The following PCNX2 variants were observed in gnomAD, a reference collection of about 807,000 sequenced individuals.
PCNX2 encodes pecanex-like protein 2.
A neutral mutation model predicts 223.8 loss-of-function variants in PCNX2; 168 were observed. The observed-to-expected ratio is 0.75, with a 90% CI of 0.66 to 0.85. The LOEUF (loss-of-function observed/expected upper bound fraction) is 0.85. Among genes scored for constraint, PCNX2 ranks in the 40% least tolerant of loss-of-function variants. The pLI is 0.00. For synonymous variants in PCNX2, 1,006 were observed against 1,052.6 expected (o/e 0.96, Z 0.86); for missense variants, 2,507 against 2,675.5 (o/e 0.94, Z 1.39).
intron 19 of PCNX2, among the ~76,000 whole-genome samples, chr1:233,154,694 C>T (rs1678010469): frequency 6.6e-6 from 1 of 152,156 alleles, no homozygotes; most frequent in Non-Finnish European, 1.5e-5. Flanking sequence ...AAGATTTAAG[C>T]AATGATACAT....
At chr1:233,056,551 C>G (rs1672197438) in intron 24 of PCNX2, among the ~76,000 whole-genome samples, 1 of 152,164 alleles carries the variant, frequency 6.6e-6, no homozygotes, top group South Asian at 2.1e-4. Flanking sequence ...AAAAAATAAG[C>G]TTCTCTCTCC....
At chr1:233,290,723 A>G (rs923646203) in intron 1 of PCNX2, 1 of 974,412 alleles carries the variant, frequency 1.0e-6, no homozygotes, top group African/African-American at 1.8e-5. Flanking sequence ...GCAATTAGAA[A>G]TGATGTAGGT....
intron 10 of PCNX2, among the ~76,000 whole-genome samples, chr1:233,219,208 T>C (rs1657217984): frequency 6.6e-6 from 1 of 151,978 alleles, no homozygotes. Context: ...TCATGTAGCC[T>C]AGGTAGAATA....
intron 23 of PCNX2, among the ~76,000 whole-genome samples, chr1:233,059,847 A>C (rs1672337643): frequency 6.6e-6 from 1 of 152,236 alleles, no homozygotes; most frequent in Non-Finnish European, 1.5e-5. Context: ...ACTTGTCAGA[A>C]ATGGTGCTTA....
Position 233,252,714 on chromosome 1 carries a change from T to C in PCNX2, c.1909A>G (p.Lys637Glu), listed in dbSNP as rs763936607. 9 of 1,613,838 alleles carry C rather than the reference T, an allele frequency of 5.6e-6. No homozygotes were observed. The South Asian group carries it at 9.9e-5, about 18-fold the overall frequency. Residue 637 changes from lysine to glutamate, a missense_variant, in exon 6 of 34, where the codon AAA (lysine) becomes GAA (glutamate). Lys to Glu is a moderately conservative substitution (Grantham distance 56, BLOSUM62 1). This residue lies in a region of PCNX2 where 1,031 missense variants were observed against 1,021.7 expected (regional missense o/e 1.01). Coordinates refer to ENST00000258229, the MANE Select transcript of PCNX2 (RefSeq NM_014801.4). ...KPSGHSSKQG[K>E]PDLQSQDHTS... Reference sequence around the variant, plus strand: ...TGGTCTTGACTTTGCAAATCTGGTTTTCCTTGCTTAGAACTGTGTCCACTG... The same window carrying C: ...TGGTCTTGACTTTGCAAATCTGGTTCTCCTTGCTTAGAACTGTGTCCACTG...
At chr1:233,232,472 A>G (rs1244782619) in intron 9 of PCNX2, among the ~76,000 whole-genome samples, 1 of 152,242 alleles carries the variant, frequency 6.6e-6, no homozygotes, top group Non-Finnish European at 1.5e-5. Flanking sequence ...ATAGGGACAT[A>G]AACCCATTCT....
chr1:233,313,344 C>T, the PCNX2 span, among the ~76,000 whole-genome samples: 1 of 152,084 alleles, frequency 6.6e-6, no homozygotes, highest in Non-Finnish European at 1.5e-5. Context: ...CAAGATTAGT[C>T]CCAGCAGACA....
chr1:233,127,091 C>T (rs944556238), intron 21 of PCNX2, among the ~76,000 whole-genome samples: 1 of 152,196 alleles, frequency 6.6e-6, no homozygotes, highest in African/African-American at 2.4e-5. Flanking sequence ...AGTTCCAAGA[C>T]TCCATGTCTT....
chr1:233,105,855 C>T (rs1431649312), intron 21 of PCNX2, among the ~76,000 whole-genome samples: 1 of 152,080 alleles, frequency 6.6e-6, no homozygotes, highest in Non-Finnish European at 1.5e-5. Flanking sequence ...CAAATGAAGT[C>T]GACATTGCAC....
chr1:233,133,695 A>G (rs1676640752), intron 21 of PCNX2, among the ~76,000 whole-genome samples: 1 of 152,152 alleles, frequency 6.6e-6, no homozygotes, highest in African/African-American at 2.4e-5. Flanking sequence ...ATCTTTACAA[A>G]AAGTTTTTAA....
intron 21 of PCNX2, among the ~76,000 whole-genome samples, chr1:233,098,398 A>C (rs1674300080): frequency 6.6e-6 from 1 of 152,204 alleles, no homozygotes; most frequent in Non-Finnish European, 1.5e-5. Context: ...TTGTATTTAC[A>C]CATAAGAAAA....
intron 21 of PCNX2, among the ~76,000 whole-genome samples, chr1:233,105,417 C>A (rs568570977): frequency 1.3e-5 from 2 of 152,142 alleles, no homozygotes; most frequent in South Asian, 4.2e-4. Flanking sequence ...TAGAGGATAC[C>A]AGAGCTATGT....
chr1:233,111,776 G>A (rs1675130648), intron 21 of PCNX2, among the ~76,000 whole-genome samples: 1 of 152,236 alleles, frequency 6.6e-6, no homozygotes, highest in Middle Eastern at 3.4e-3. Flanking sequence ...AGCAGGCACT[G>A]GTATTATTTA....
intron 19 of PCNX2, among the ~76,000 whole-genome samples, chr1:233,143,112 T>C (rs1677224609): frequency 6.6e-6 from 1 of 152,214 alleles, no homozygotes; most frequent in African/African-American, 2.4e-5. Flanking sequence ...TCATCTGATG[T>C]CCCAAAGGAA....
At chr1:232,994,143 A>T (rs777648114) in intron 32 of PCNX2, among the ~76,000 whole-genome samples, 3 of 152,234 alleles carry the variant, frequency 2.0e-5, no homozygotes, top group Non-Finnish European at 4.4e-5. Flanking sequence ...GATCCCAGAA[A>T]GGTAGATACA....
At chr1:233,146,875 T>C (rs185745851) in intron 19 of PCNX2, among the ~76,000 whole-genome samples, 58 of 152,304 alleles carry the variant, frequency 3.8e-4, no homozygotes, top group African/African-American at 1.2e-3. Flanking sequence ...ATAGATTGAT[T>C]TGAGTGGAGG....
chr1:233,141,839 A>G (rs1034066090), intron 19 of PCNX2, among the ~76,000 whole-genome samples: 1 of 151,764 alleles, frequency 6.6e-6, no homozygotes, highest in African/African-American at 2.4e-5. Flanking sequence ...TCTTACTTGA[A>G]AAGAATTCAT....
At chr1:233,062,737 AT>A (rs1182036150) in intron 23 of PCNX2, among the ~76,000 whole-genome samples, 2 of 152,154 alleles carry the variant, frequency 1.3e-5, no homozygotes, top group African/African-American at 4.8e-5. Flanking sequence ...TTCATAGTTT[AT>A]GTTATTATGC....
intron 28 of PCNX2, among the ~76,000 whole-genome samples, chr1:233,009,187 A>C (rs961856558): frequency 2.0e-5 from 3 of 152,218 alleles, no homozygotes; most frequent in African/African-American, 7.2e-5. Context: ...AGAAGACGAA[A>C]TGCATTAACT....
Sources: allele counts gnomAD v4.1 joint callset (sites outside exome capture counted in the v4.1 genomes callset), GRCh38; gene constraint gnomAD v4.1.1; regional missense constraint gnomAD v4.1.1; transcripts MANE v1.5; gene names NCBI Gene and HGNC (gene_info 2026-07-23, HGNC 2026-07-21).